The following ZMAT4 variants were observed in gnomAD, a reference collection of about 807,000 sequenced individuals.
ZMAT4 encodes the protein zinc finger matrin-type protein 4.
Under a neutral mutation model 28.7 loss-of-function variants are expected in ZMAT4, and 17 were observed. The ratio of observed to expected loss-of-function variants is 0.59; its 90% CI spans 0.41 to 0.89. The LOEUF is 0.89. Among genes scored for constraint, ZMAT4 ranks in the 40% least tolerant of loss-of-function variants. The pLI, the probability that ZMAT4 is intolerant of heterozygous loss-of-function variation, is 0.00. For synonymous variants in ZMAT4, 117 were observed against 109.2 expected (o/e 1.07, Z -0.44); for missense variants, 240 against 283.8 (o/e 0.85, Z 1.11).
intron 5 of ZMAT4, 47 bp from the exon 6 acceptor site, chr8:40,581,308 A>C (rs1254008765): frequency 6.6e-7 from 1 of 1,507,904 alleles, no homozygotes; most frequent in Non-Finnish European, 9.2e-7. Context: ...GTCGTCAACC[A>C]CCTGAAATGA....
intron 1 of ZMAT4, among the ~76,000 whole-genome samples, chr8:40,878,400 T>G (rs890576601): frequency 1.3e-5 from 2 of 152,214 alleles, no homozygotes; most frequent in Non-Finnish European, 2.9e-5. Context: ...AAAAAAACAC[T>G]ATTTCTACAA....
intron 6 of ZMAT4, among the ~76,000 whole-genome samples, chr8:40,569,453 T>C (rs761063056): frequency 6.6e-6 from 1 of 152,134 alleles, no homozygotes; most frequent in African/African-American, 2.4e-5. Flanking sequence ...TAAAATTTGG[T>C]GAAATGTATG....
chr8:40,669,360 G>A (rs1387522769), intron 5 of ZMAT4, among the ~76,000 whole-genome samples: 1 of 152,138 alleles, frequency 6.6e-6, no homozygotes, highest in East Asian at 1.9e-4. Context: ...GACTGGTACT[G>A]TAGAGAAACA....
At chr8:40,799,366 C>T (rs752561762) in intron 2 of ZMAT4, among the ~76,000 whole-genome samples, 7 of 152,090 alleles carry the variant, frequency 4.6e-5, no homozygotes, top group South Asian at 2.1e-4. Context: ...CCTGTCTGTC[C>T]GTCTCTCTCA....
chr8:40,808,867 T>C (rs951444556), intron 2 of ZMAT4, among the ~76,000 whole-genome samples: 77 of 144,866 alleles, frequency 5.3e-4, no homozygotes, highest in Non-Finnish European at 1.1e-3. Flanking sequence ...AAAAAAAAAC[T>C]ATTCCCGAAC....
chr8:40,692,845 A>G (rs1322985140), intron 4 of ZMAT4, among the ~76,000 whole-genome samples: 1 of 152,198 alleles, frequency 6.6e-6, no homozygotes, highest in Non-Finnish European at 1.5e-5. Flanking sequence ...TGTTTTCTTC[A>G]GGATTTTGAA....
chr8:40,578,939 G>T (rs879399956), intron 6 of ZMAT4, among the ~76,000 whole-genome samples: 5 of 152,178 alleles, frequency 3.3e-5, no homozygotes, highest in African/African-American at 4.8e-5. Context: ...AGTAAGTGGA[G>T]ACATAAGTCA....
intron 5 of ZMAT4, among the ~76,000 whole-genome samples, chr8:40,666,110 A>T (rs1808404214): frequency 6.6e-6 from 1 of 152,202 alleles, no homozygotes; most frequent in Admixed American, 6.5e-5. Context: ...ATAATTTTAT[A>T]ATTTACATTG....
At chr8:40,584,913 C>T (rs536439051) in intron 5 of ZMAT4, among the ~76,000 whole-genome samples, 47 of 152,286 alleles carry the variant, frequency 3.1e-4, no homozygotes, top group African/African-American at 1.0e-3. Flanking sequence ...GGATTACAGG[C>T]GTGAGCCACT....
chr8:40,726,709 T>C (rs549635723), intron 3 of ZMAT4, among the ~76,000 whole-genome samples: 2 of 152,332 alleles, frequency 1.3e-5, no homozygotes, highest in Non-Finnish European at 2.9e-5. Flanking sequence ...CACACAGCCA[T>C]GCTCACTCAC....
chr8:40,870,220 GT>G (rs1368045635), intron 1 of ZMAT4, among the ~76,000 whole-genome samples: 1 of 152,184 alleles, frequency 6.6e-6, no homozygotes. Context: ...GACAGCCTTT[GT>G]TCATCATGCA....
chr8:40,850,600 G>A (rs1817069037), intron 1 of ZMAT4, among the ~76,000 whole-genome samples: 1 of 152,186 alleles, frequency 6.6e-6, no homozygotes, highest in African/African-American at 2.4e-5. Context: ...TAGGCACTTG[G>A]AAAACATTTG....
At chr8:40,845,188 A>G (rs1320951917) in intron 1 of ZMAT4, among the ~76,000 whole-genome samples, 2 of 152,178 alleles carry the variant, frequency 1.3e-5, no homozygotes, top group African/African-American at 4.8e-5. Context: ...CTCCACTTTC[A>G]TGCAACTTGG....
At chr8:40,772,848 G>A (rs936418620) in intron 2 of ZMAT4, among the ~76,000 whole-genome samples, 4 of 152,196 alleles carry the variant, frequency 2.6e-5, no homozygotes, top group African/African-American at 4.8e-5. Flanking sequence ...AGGTCATTCC[G>A]GGGAGAAGAG....
At chr8:40,879,394 G>A (rs917078544) in intron 1 of ZMAT4, among the ~76,000 whole-genome samples, 6 of 152,182 alleles carry the variant, frequency 3.9e-5, no homozygotes, top group African/African-American at 1.4e-4. Flanking sequence ...CTGCACTCCA[G>A]CCTGGGCAAC....
At chr8:40,667,578 T>G (rs1459827644) in intron 5 of ZMAT4, among the ~76,000 whole-genome samples, 1 of 152,178 alleles carries the variant, frequency 6.6e-6, no homozygotes, top group African/African-American at 2.4e-5. Flanking sequence ...CAGTAAATTG[T>G]GTACTGCAGT....
intron 2 of ZMAT4, among the ~76,000 whole-genome samples, chr8:40,805,490 GTA>G (rs1230091762): frequency 6.8e-6 from 1 of 146,160 alleles, no homozygotes; most frequent in East Asian, 2.0e-4. Flanking sequence ...ACATGCACAC[GTA>G]TGTTTATTGA....
At chr8:40,677,445 A>G (rs571854458) in intron 4 of ZMAT4, among the ~76,000 whole-genome samples, 1 of 152,310 alleles carries the variant, frequency 6.6e-6, no homozygotes, top group Admixed American at 6.5e-5. Context: ...GGACTCCACT[A>G]TCAGTGAGCT....
intron 5 of ZMAT4, among the ~76,000 whole-genome samples, chr8:40,670,473 A>C (rs1328834987): frequency 6.6e-6 from 1 of 152,188 alleles, no homozygotes; most frequent in East Asian, 1.9e-4. Flanking sequence ...GTACAGGCAA[A>C]GATTTTTTTA....
Sources: allele counts gnomAD v4.1 joint callset (sites outside exome capture counted in the v4.1 genomes callset), GRCh38; gene constraint gnomAD v4.1.1; transcripts MANE v1.5; gene names NCBI Gene and HGNC (gene_info 2026-07-23, HGNC 2026-07-21).